Variants in TENM1 observed in about 807,000 individuals in gnomAD.
The protein encoded by TENM1 is teneurin transmembrane protein 1.
In TENM1, 35 loss-of-function variants were observed where a neutral mutation model predicts 174.8. That is an observed-to-expected ratio of 0.20 (90% CI 0.15 to 0.27). TENM1 has a LOEUF of 0.27. TENM1 is among the 10% of genes least tolerant of loss of function. TENM1 has a pLI of 1.00. For synonymous variants in TENM1, 781 were observed against 798.7 expected, an observed-to-expected ratio of 0.98 and a Z score of 0.37; for missense variants, 1,633 against 2,130.1, an observed-to-expected ratio of 0.77 and a Z score of 4.59.
chrX:124,865,103 A>G (rs2056978516), intron 3 of TENM1, among the ~76,000 whole-genome samples: 1 of 111,975 alleles, frequency 8.9e-6, no homozygotes, highest in East Asian at 2.8e-4. Context: ...CTGTTCTACA[A>G]GAAATGCTAA....
chrX:124,515,989 G>A (rs1015372763), intron 18 of TENM1, among the ~76,000 whole-genome samples: 1 of 111,358 alleles, frequency 9.0e-6, no homozygotes, highest in African/African-American at 3.3e-5. Flanking sequence ...CATGGTACTG[G>A]TATAAAAACA....
intron 5 of TENM1, among the ~76,000 whole-genome samples, chrX:124,676,364 C>T (rs1163310502): frequency 1.2e-5 from 1 of 82,467 alleles, no homozygotes; most frequent in African/African-American, 4.3e-5. Context: ...GAGTACCCAT[C>T]CTGTTATTTG....
At chrX:125,089,854 G>A in the TENM1 span, among the ~76,000 whole-genome samples, 1 of 111,432 alleles carries the variant, frequency 9.0e-6, no homozygotes, top group African/African-American at 3.3e-5. Flanking sequence ...TAAGCTACTG[G>A]CTTATTATAT....
chrX:124,870,875 C>T (rs914413070), intron 3 of TENM1, among the ~76,000 whole-genome samples: 2 of 111,412 alleles, frequency 1.8e-5, no homozygotes, highest in Non-Finnish European at 3.8e-5. Flanking sequence ...ATAATTGACA[C>T]ATTATAATTG....
chrX:125,087,649 T>C, the TENM1 span, among the ~76,000 whole-genome samples: 2 of 110,878 alleles, frequency 1.8e-5, no homozygotes, highest in African/African-American at 6.5e-5. Flanking sequence ...AAAAAGTAAG[T>C]AAATGCTCAA....
At chrX:124,756,222 C>T (rs1436617924) in intron 3 of TENM1, among the ~76,000 whole-genome samples, 4 of 102,746 alleles carry the variant, frequency 3.9e-5, no homozygotes, top group South Asian at 4.4e-4. Context: ...CTTCCCTTCT[C>T]GCTTCATTTC....
intron 23 of TENM1, among the ~76,000 whole-genome samples, chrX:124,425,996 GT>G (rs2060710302): frequency 4.4e-3 from 7 of 1,582 alleles, no homozygotes; most frequent in Non-Finnish European, 0.01. Context: ...AAAAGGACTG[GT>G]GTGTGTGTGT....
At chrX:124,631,227 T>G (rs1032925948) in intron 11 of TENM1, among the ~76,000 whole-genome samples, 1 of 111,066 alleles carries the variant, frequency 9.0e-6, no homozygotes, top group Non-Finnish European at 1.9e-5. Context: ...ATGCAAAAAA[T>G]TACCCAAAAT....
intron 25 of TENM1, among the ~76,000 whole-genome samples, chrX:124,407,010 G>A (rs2060470655): frequency 8.9e-6 from 1 of 111,855 alleles, no homozygotes; most frequent in Non-Finnish European, 1.9e-5. Context: ...CCAACAAAAT[G>A]AACAGGCACA....
chrX:124,942,557 A>C (rs1293477592), intron 1 of TENM1, among the ~76,000 whole-genome samples: 1 of 112,118 alleles, frequency 8.9e-6, no homozygotes, highest in Non-Finnish European at 1.9e-5. Flanking sequence ...TAACAGTAAC[A>C]GGAAGTCACT....
chrX:125,073,174 C>T, the TENM1 span, among the ~76,000 whole-genome samples: 1 of 110,509 alleles, frequency 9.0e-6, no homozygotes, highest in African/African-American at 3.3e-5. Context: ...AGAAAGAACC[C>T]GATAACTTAT....
At chrX:125,195,564 G>A in the TENM1 span, among the ~76,000 whole-genome samples, 2 of 111,788 alleles carry the variant, frequency 1.8e-5, no homozygotes, top group Non-Finnish European at 3.8e-5. Context: ...AGAAAATGTA[G>A]CATCCTTATG....
chrX:124,561,927 G>T, intron 13 of TENM1, 110 bp from the exon 17 acceptor site: 1 of 786,477 alleles, frequency 1.3e-6, no homozygotes, highest in Non-Finnish European at 1.8e-6. Flanking sequence ...CCATTCAGAT[G>T]AGGTGTTGAA....
At chrX:124,482,449 T>C (rs2046866101) in intron 21 of TENM1, among the ~76,000 whole-genome samples, 1 of 111,126 alleles carries the variant, frequency 9.0e-6, no homozygotes, top group Admixed American at 9.6e-5. Context: ...AGTTGTCAAT[T>C]GAAAGGCATG....
intron 22 of TENM1, among the ~76,000 whole-genome samples, chrX:124,481,196 A>C (rs1331079737): frequency 2.7e-5 from 3 of 112,466 alleles, no homozygotes; most frequent in Non-Finnish European, 5.6e-5. Context: ...AGATAAATTA[A>C]TGGAAGAAAG....
chrX:124,800,603 G>A (rs1310699483), intron 3 of TENM1, among the ~76,000 whole-genome samples: 2 of 111,126 alleles, frequency 1.8e-5, no homozygotes, highest in African/African-American at 3.3e-5. Flanking sequence ...ATCTTCTTCA[G>A]TTCTGCTCTG....
chrX:124,487,489 A>G (rs2046977804), intron 20 of TENM1, among the ~76,000 whole-genome samples: 1 of 112,166 alleles, frequency 8.9e-6, no homozygotes, highest in Non-Finnish European at 1.9e-5. Flanking sequence ...AGATTTTTCA[A>G]AAGGTTCTCT....
At chrX:124,906,998 T>C (rs1425068533) in intron 1 of TENM1, among the ~76,000 whole-genome samples, 1 of 111,310 alleles carries the variant, frequency 9.0e-6, no homozygotes, top group Non-Finnish European at 1.9e-5. Context: ...GTGATGATTG[T>C]GGTGATGTTT....
rs200123894 is a variant in TENM1, at chrX:124,563,752, G to C, written c.2284C>G (p.Arg762Gly). The C allele has an allele frequency of 1.0e-4, 119 of 1,187,625 alleles. No homozygotes were observed. Among genetic ancestry groups the C allele is most frequent in the Non-Finnish European group, 1.3e-4 (115 of 881,749 alleles). Residue 762 changes from arginine to glycine, a missense_variant, in exon 13 of 32, where the codon CGA becomes GGA. Arg to Gly is a moderately radical substitution (Grantham distance 125). Around this residue, in one of 4 missense-constraint regions of TENM1, gnomAD observed 449 missense variants for 636.2 expected, o/e 0.71. Transcript: ENST00000422452. The stretch of plus-strand genomic sequence containing the variant: ...AAATTAGTGAGAAAAATCTTACCTC[G>C]GACAGCATCTAAGTAGTGAGCTAAA...
Sources: gnomAD v4.1 joint callset for allele counts (sites outside exome capture counted in the v4.1 genomes callset) on GRCh38, gnomAD v4.1.1 for gene constraint, gnomAD v4.1.1 regional missense constraint, MANE v1.5 for transcripts, NCBI Gene and HGNC (gene_info 2026-07-23, HGNC 2026-07-21) for gene names.